Variants in AGPS observed in about 807,000 individuals in gnomAD.
The protein encoded by AGPS is alkyldihydroxyacetonephosphate synthase, peroxisomal.
In AGPS, 26 loss-of-function variants were observed where a neutral mutation model predicts 90.7. The ratio of observed to expected loss-of-function variants is 0.29; its 90% CI spans 0.21 to 0.40. AGPS has a LOEUF of 0.40. Among genes scored for constraint, AGPS ranks in the 10% least tolerant of loss-of-function variants. AGPS has a pLI of 1.00. For missense variants in AGPS, 540 were observed against 816.1 expected (o/e 0.66, Z 4.12); for synonymous variants, 294 against 285.3 (o/e 1.03, Z -0.31).
intron 6 of AGPS, chr2:177,441,247 C>A: frequency 1.9e-6 from 1 of 513,640 alleles, no homozygotes; most frequent in Non-Finnish European, 3.4e-6. Flanking sequence ...ATGGCTTTTT[C>A]CTCTATGGGC....
rs1424742044 is a variant in AGPS, at chr2:177,493,166, A to G, written c.1252A>G (p.Ile418Val). The G allele has an allele frequency of 3.1e-6, 5 of 1,613,398 alleles. No homozygotes were observed. Among genetic ancestry groups the G allele is most frequent in the South Asian group, 1.1e-5 (1 of 91,062 alleles). Residue 418 changes from isoleucine (I) to valine (V), a missense_variant, in exon 12 of 20, where the codon ATT (isoleucine) becomes GTT (valine). Around this residue, in one of 2 missense-constraint regions of AGPS, gnomAD observed 405 missense variants for 692.1 expected, o/e 0.59. Coordinates refer to ENST00000264167, the MANE Select transcript of AGPS (RefSeq NM_003659.4). Reference sequence around the variant, plus strand: ...AAAACAGAGATGTGCTCCGGCATCTATTCGCCTCATGGACAACAAGCAGTT... The same window carrying G: ...AAAACAGAGATGTGCTCCGGCATCTGTTCGCCTCATGGACAACAAGCAGTT... ...IAKQRCAPAS[I>V]RLMDNKQFQF...
chr2:177,507,938 G>T (rs770772197), intron 15 of AGPS, 32 bp from the exon 16 acceptor site: 1 of 1,474,714 alleles, frequency 6.8e-7, no homozygotes, highest in Non-Finnish European at 9.5e-7. Context: ...ATCTGTTGTA[G>T]TTTCTTGATT....
intron 19 of AGPS, among the ~76,000 whole-genome samples, chr2:177,536,981 G>C (rs1184719423): frequency 6.6e-6 from 1 of 152,008 alleles, no homozygotes; most frequent in Admixed American, 6.6e-5. Flanking sequence ...AATGAAAGAA[G>C]GTTTCCCATT....
At chr2:177,536,986 C>G (rs1476079289) in intron 19 of AGPS, among the ~76,000 whole-genome samples, 1 of 152,070 alleles carries the variant, frequency 6.6e-6, no homozygotes, top group Non-Finnish European at 1.5e-5. Flanking sequence ...AAGAAGGTTT[C>G]CCATTTCAGT....
chr2:177,459,900 G>T (rs577987148), intron 8 of AGPS, among the ~76,000 whole-genome samples: 2 of 152,278 alleles, frequency 1.3e-5, no homozygotes, highest in African/African-American at 4.8e-5. Context: ...CAATAGCAAA[G>T]ACTTGGAACC....
chr2:177,420,048 G>C (rs995201379), intron 1 of AGPS, among the ~76,000 whole-genome samples: 1 of 151,616 alleles, frequency 6.6e-6, no homozygotes, highest in Non-Finnish European at 1.5e-5. Flanking sequence ...AAATTTATTG[G>C]TTGTAGCCCT....
intron 1 of AGPS, chr2:177,393,389 G>C: frequency 1.0e-6 from 1 of 985,404 alleles, no homozygotes; most frequent in South Asian, 4.7e-5. Context: ...CTGAGGTCTT[G>C]GAATGGGTAG....
intron 11 of AGPS, 86 bp from the exon 12 acceptor site, chr2:177,493,062 A>G: frequency 4.8e-6 from 6 of 1,240,276 alleles, no homozygotes; most frequent in Non-Finnish European, 5.8e-6. Context: ...GATCTCTTAA[A>G]TATAGAAAGA....
At chr2:177,431,020 C>G (rs549845922) in intron 2 of AGPS, among the ~76,000 whole-genome samples, 5 of 152,240 alleles carry the variant, frequency 3.3e-5, no homozygotes, top group African/African-American at 9.6e-5. Flanking sequence ...GTGGAACTCA[C>G]CCTGAGGCTA....
intron 9 of AGPS, among the ~76,000 whole-genome samples, chr2:177,463,406 C>T (rs1187863563): frequency 2.0e-5 from 3 of 152,102 alleles, no homozygotes; most frequent in South Asian, 4.1e-4. Context: ...GTTTCCTTAT[C>T]GTCAATATTT....
intron 11 of AGPS, among the ~76,000 whole-genome samples, chr2:177,491,759 TTC>T (rs1491346972): frequency 1.0e-3 from 38 of 36,702 alleles, no homozygotes; most frequent in African/African-American, 3.0e-3. Context: ...TATACTTTCC[TTC>T]CCCCCCCCCC....
At chr2:177,511,780 C>G (rs1688880196) in intron 16 of AGPS, among the ~76,000 whole-genome samples, 1 of 152,134 alleles carries the variant, frequency 6.6e-6, no homozygotes, top group South Asian at 2.1e-4. Context: ...CTTTCAGAAA[C>G]CTTTCCCTAA....
chr2:177,416,818 T>C (rs1685800382), intron 1 of AGPS, among the ~76,000 whole-genome samples: 1 of 152,178 alleles, frequency 6.6e-6, no homozygotes, highest in Non-Finnish European at 1.5e-5. Flanking sequence ...TGTGAGCCAC[T>C]GTGCCTGGCC....
chr2:177,479,686 A>T (rs1288964124), intron 10 of AGPS, among the ~76,000 whole-genome samples: 2 of 152,210 alleles, frequency 1.3e-5, no homozygotes, highest in Admixed American at 1.3e-4. Flanking sequence ...AGATATTATG[A>T]GATTCCTTTT....
intron 15 of AGPS, among the ~76,000 whole-genome samples, chr2:177,506,029 G>A (rs1688700187): frequency 6.6e-6 from 1 of 151,806 alleles, no homozygotes; most frequent in Non-Finnish European, 1.5e-5. Flanking sequence ...ATGTGTACTT[G>A]AACACTCAAA....
intron 8 of AGPS, among the ~76,000 whole-genome samples, chr2:177,446,760 A>T (rs965068740): frequency 6.6e-6 from 1 of 152,158 alleles, no homozygotes; most frequent in Admixed American, 6.5e-5. Flanking sequence ...TAGAAATGGA[A>T]CAAAATGGAA....
At chr2:177,501,178 G>A (rs1015909296) in intron 14 of AGPS, among the ~76,000 whole-genome samples, 2 of 152,036 alleles carry the variant, frequency 1.3e-5, no homozygotes, top group Admixed American at 6.6e-5. Context: ...ATGGAAGGGT[G>A]CATTTTGCTT....
chr2:177,413,018 G>A (rs150332847), intron 1 of AGPS, among the ~76,000 whole-genome samples: 2,418 of 152,234 alleles, frequency 0.016, 21 homozygotes, highest in Non-Finnish European at 0.025. Flanking sequence ...CTGCGATGGC[G>A]GCAAACAACA....
intron 3 of AGPS, among the ~76,000 whole-genome samples, chr2:177,434,880 A>G (rs907507914): frequency 6.6e-6 from 1 of 151,342 alleles, no homozygotes; most frequent in South Asian, 2.1e-4. Context: ...GATATTTAGA[A>G]TATTTGAAGA....
Sources: allele counts gnomAD v4.1 joint callset (sites outside exome capture counted in the v4.1 genomes callset), GRCh38; gene constraint gnomAD v4.1.1; regional missense constraint gnomAD v4.1.1; transcripts MANE v1.5; gene names NCBI Gene and HGNC (gene_info 2026-07-23, HGNC 2026-07-21).